The following ABCC10 variants were observed in gnomAD, a reference collection of about 807,000 sequenced individuals.
The protein encoded by ABCC10 is ATP-binding cassette sub-family C member 10.
A neutral mutation model predicts 143.2 loss-of-function variants in ABCC10; 110 were observed. The observed-to-expected ratio is 0.77, with a 90% CI of 0.66 to 0.90. ABCC10 has a LOEUF of 0.90. ABCC10 is among the 40% of genes least tolerant of loss of function. The pLI, the probability that ABCC10 is intolerant of heterozygous loss-of-function variation, is 0.00. For missense variants in ABCC10, 1,700 were observed against 1,900.5 expected (o/e 0.89, Z 1.96); for synonymous variants, 805 against 846.7 (o/e 0.95, Z 0.85).
intron 13 of ABCC10, 54 bp from the exon 14 acceptor site, chr6:43,445,071 G>C: frequency 6.3e-7 from 1 of 1,599,420 alleles, no homozygotes; most frequent in Non-Finnish European, 8.6e-7. Context: ...GAGGAGAAAG[G>C]ACCCCCGAGT....
In ABCC10 at chr6:43,445,257, A is replaced by T; in HGVS notation, c.2973A>T (p.Ala991=). The T allele has an allele frequency of 6.2e-7, 1 of 1,613,962 alleles. No individual in the cohort carries two copies. The highest frequency in any genetic ancestry group is 2.2e-5 in the East Asian group (1 of 44,858). ...TTCTCCGGGCAGTGCTCTTTGCAGC[A>T]GGCACCCTTCAAGCAGCTGCCACTC... ...CTLLRAVLFA[A]GTLQAAATLH... is the part of the protein sequence containing the mutation. Residue 991 remains alanine (A), a synonymous_variant, in exon 14 of 22, where the codon GCA becomes GCT. Coordinates refer to ENST00000372530, the MANE Select transcript of ABCC10 (RefSeq NM_001198934.2).
chr6:43,446,911 G>A (rs1248209552), intron 16 of ABCC10: 31 of 1,038,790 alleles, frequency 3.0e-5, no homozygotes, highest in East Asian at 7.8e-5. Flanking sequence ...GCAGTGGCAC[G>A]ATCTCGGCTC....
downstream of ABCC10, chr6:43,450,495 G>T (rs368237392): frequency 2.7e-5 from 41 of 1,519,760 alleles, no homozygotes; most frequent in Admixed American, 2.2e-5. This position sits in a 1 kb window ranked among gnomAD's most constrained non-coding sequence, Gnocchi z 4.5. Flanking sequence ...CCAGTCTGAG[G>T]GGTGGAAGAG....
intron 16 of ABCC10, 123 bp downstream of exon 16, chr6:43,446,569 A>G (rs1383546514): frequency 2.8e-6 from 4 of 1,434,802 alleles, no homozygotes; most frequent in East Asian, 5.1e-5. Context: ...GTGAGGATGT[A>G]TCATGATTAT....
At chr6:43,428,261 A>C in intron 2 of ABCC10, 122 bp downstream of exon 2, 1 of 1,165,664 alleles carries the variant, frequency 8.6e-7, no homozygotes, top group African/African-American at 1.6e-5. Flanking sequence ...AAGTAGAATA[A>C]AATCTAAGCA....
rs1374755182 is a variant in ABCC10 at position 43,443,464 on chromosome 6, CT to C, written c.2416+310del. The C allele has an allele frequency of 2.9e-6, 1 of 340,466 alleles. No individual in the cohort carries two copies. The highest frequency in any genetic ancestry group is 2.1e-5 in the African/African-American group (1 of 47,552). The allele number at this position is 340,466 out of a possible 1,614,324, so 21.1% of individuals were successfully genotyped here. A position where few individuals can be genotyped will look rare whatever the true frequency, so the allele number is the denominator to read the frequency against. On this transcript the variant is annotated intron_variant, in intron 10 of 21. Coordinates refer to ENST00000372530, the MANE Select transcript of ABCC10 (RefSeq NM_001198934.2). This position sits in a 1 kb window ranked among gnomAD's most constrained non-coding sequence, Gnocchi z 4.2. ...AGAAAGGAGTCAGGTTTAGAATGGT[CT>C]TTTTGTAAAAACAAAAATTTTTAAA...
intron 15 of ABCC10, 30 bp downstream of exon 15, chr6:43,445,972 G>C: frequency 3.1e-6 from 5 of 1,589,434 alleles, no homozygotes; most frequent in Non-Finnish European, 4.3e-6. Context: ...GGGGGATGAG[G>C]TGTTGGGGGG....
chr6:43,444,654 C>A, intron 12 of ABCC10, 134 bp from the exon 13 acceptor site: 2 of 1,291,212 alleles, frequency 1.5e-6, no homozygotes, highest in Non-Finnish European at 2.1e-6. Context: ...GGGGTAGTGG[C>A]AGGGTGGGGA....
Position 43,432,249 on chromosome 6 carries a change from C to T in ABCC10, c.269C>T (p.Pro90Leu), listed in dbSNP as rs150495707. ...CTAGACCTTCTTCCAGTTGCTTTGC[C>T]ACCAGGGGCAGGCCCAGGACCCATA... ...PLLDLLPVAL[P>L]PGAGPGPIGL... Residue 90 changes from proline to leucine, a missense_variant, in exon 3 of 22, where the codon CCA becomes CTA. Pro to Leu is a moderately conservative substitution (Grantham distance 98). Coordinates refer to ENST00000372530, the MANE Select transcript of ABCC10 (RefSeq NM_001198934.2). 51 of 1,614,122 alleles carry T rather than the reference C, an allele frequency of 3.2e-5. No individual in the cohort carries two copies. The highest frequency in any genetic ancestry group is 6.7e-5 in the African/African-American group (5 of 74,946).
rs1782684281 is a variant in ABCC10, at chr6:43,443,304, C to T, written c.2416+145C>T. ...GCCTTCACAGAACTGGTGTGAGGAA[C>T]TGGGAGAACAGGAGGGAAAAGGAGT... On this transcript the variant is annotated intron_variant, in intron 10 of 21. Transcript: ENST00000372530. The surrounding 1 kb of genome is among the most constrained non-coding windows in gnomAD (Gnocchi z 4.2). 1 of 832,412 alleles carries T rather than the reference C, an allele frequency of 1.2e-6. No homozygotes were observed. The highest frequency in any genetic ancestry group is 1.8e-6 in the Non-Finnish European group (1 of 569,780). The allele number at this position is 832,412 out of a possible 1,614,324, so 51.6% of individuals were successfully genotyped here.
At chr6:43,438,905 A>G in intron 8 of ABCC10, 110 bp downstream of exon 8, 1 of 1,335,790 alleles carries the variant, frequency 7.5e-7, no homozygotes, top group Non-Finnish European at 1.0e-6. Flanking sequence ...CTCGGGCATC[A>G]CTTATCTAGG....
Position 43,428,131 on chromosome 6 carries a change from C to A in ABCC10, c.153C>A (p.Gly51=). 1 of 1,537,122 alleles carries A rather than the reference C, an allele frequency of 6.5e-7. No individual in the cohort carries two copies. The highest frequency in any genetic ancestry group is 8.7e-7 in the Non-Finnish European group (1 of 1,143,622). The change falls in exon 2 of 22, where the codon GGC becomes GGA. Residue 51 remains glycine, a synonymous_variant. Coordinates refer to ENST00000372530, the MANE Select transcript of ABCC10 (RefSeq NM_001198934.2). The part of the protein sequence containing the change: ...LLAVLSACYL[G]TPRSPDYILP... The stretch of plus-strand genomic sequence containing the variant: ...CCGTGCTCAGTGCCTGTTACTTGGG[C>A]ACCCCGAGGTGGGTAGAGACGGGCG...
chr6:43,427,752 G>T lies in ABCC10; in HGVS notation c.-17G>T. ...GAGAAACGGGAGGGGAAAAACAGAT[G>T]GCAAGGTGGGTGACCAGCGTCCAGA... On this transcript the variant is annotated 5_prime_UTR_variant, in exon 1 of 22. The change abolishes an upstream ATG in the 5' untranslated region. Transcript: ENST00000372530. 1.7e-6 allele frequency: 1 copy of T among 601,714 alleles called. No individual in the cohort carries two copies. Among genetic ancestry groups the T allele is most frequent in the South Asian group, 1.9e-5 (1 of 51,314 alleles). The allele number at this position is 601,714 out of a possible 1,614,324, so 37.3% of individuals were successfully genotyped here. A position where few individuals can be genotyped will look rare whatever the true frequency, so the allele number is the denominator to read the frequency against.
intron 9 of ABCC10, among the ~76,000 whole-genome samples, chr6:43,442,664 G>T (rs899000946): frequency 6.6e-6 from 1 of 152,010 alleles, no homozygotes; most frequent in African/African-American, 2.4e-5. Flanking sequence ...CTGGGAAATT[G>T]AGGCTGCAGT....
chr6:43,429,372 T>TTGTGTGTGTGTG lies in ABCC10; in HGVS notation c.161+1260_161+1271dup, dbSNP rs1201780354. Among the ~76,000 whole-genome samples the TTGTGTGTGTGTG allele has an allele frequency of 6.9e-3, 682 of 98,192 alleles. 19 individuals carry two copies. The highest frequency in any genetic ancestry group is 0.024 in the African/African-American group (476 of 19,450). 64.4% of individuals were successfully genotyped at this position (98,192 alleles called of 152,430 possible). ...TTCTTTTCTTTCTTTCTTTTCTTTC[T>TTGTGTGTGTGTG]TGTGTGTGTGTGTGTGTGTGTGTGT... is the stretch of plus-strand genomic sequence containing the variant. On this transcript the variant is annotated intron_variant, in intron 2 of 21. Coordinates refer to ENST00000372530, the MANE Select transcript of ABCC10 (RefSeq NM_001198934.2).
In ABCC10 at chr6:43,443,874, A is replaced by T; in HGVS notation, c.2417-59A>T. The T allele has an allele frequency of 5.9e-6, 9 of 1,519,906 alleles. No homozygotes were observed. The highest frequency in any genetic ancestry group is 8.2e-6 in the Non-Finnish European group (9 of 1,094,362). The allele number at this position is 1,519,906 out of a possible 1,614,324, so 94.2% of individuals were successfully genotyped here. On this transcript the variant is annotated intron_variant, in intron 10 of 21. Coordinates refer to ENST00000372530, the MANE Select transcript of ABCC10 (RefSeq NM_001198934.2). This position sits in a 1 kb window ranked among gnomAD's most constrained non-coding sequence, Gnocchi z 4.2. The stretch of plus-strand genomic sequence containing the variant: ...AGAGGTGGGATCTGCACACGCACTG[A>T]GAAAGGCATAGTATAGACTCAGAAC...
downstream of ABCC10, chr6:43,450,801 C>T: frequency 6.2e-7 from 1 of 1,614,248 alleles, no homozygotes; most frequent in Non-Finnish European, 8.5e-7. The surrounding 1 kb of genome is among the most constrained non-coding windows in gnomAD (Gnocchi z 4.5). Flanking sequence ...AGCCTCTTGC[C>T]TCCGCACCAC....
rs1359247578 is a variant in ABCC10, at chr6:43,441,924, G to C, written c.2190G>C (p.Gln730His). ...GEKGVTLSGG[Q>H]RARIALARAV... ...AGGGTGTCACCCTTAGCGGAGGACA[G>C]CGTGCCCGGATTGCCCTTGCTCGTG... Residue 730 changes from glutamine to histidine, a missense_variant, in exon 9 of 22, where the codon CAG (glutamine) becomes CAC (histidine). By Grantham distance (24) the Gln-to-His change is conservative. Coordinates refer to ENST00000372530, the MANE Select transcript of ABCC10 (RefSeq NM_001198934.2). 1 of 1,613,896 alleles carries C rather than the reference G, an allele frequency of 6.2e-7. No individual in the cohort carries two copies. The highest frequency in any genetic ancestry group is 1.3e-5 in the African/African-American group (1 of 74,938).
chr6:43,427,901 C>A, intron 1 of ABCC10, 67 bp from the exon 2 acceptor site: 1 of 1,573,296 alleles, frequency 6.4e-7, no homozygotes, highest in South Asian at 1.1e-5. Flanking sequence ...CAGGGAGACC[C>A]GGCTGGGAAG....
Sources: gnomAD v4.1 joint callset for allele counts (sites outside exome capture counted in the v4.1 genomes callset) on GRCh38, gnomAD v4.1.1 for gene constraint, Gnocchi (gnomAD v3.1) non-coding constraint, MANE v1.5 for transcripts, NCBI Gene and HGNC (gene_info 2026-07-23, HGNC 2026-07-21) for gene names.